Variants in BARD1 observed in about 807,000 individuals in gnomAD.
The protein encoded by BARD1 is BRCA1-associated RING domain protein 1.
A neutral mutation model predicts 77.0 loss-of-function variants in BARD1; 73 were observed. That is an observed-to-expected ratio of 0.95 (90% CI 0.79 to 1.15). The LOEUF is 1.15. Ranked by LOEUF, BARD1 falls within the 50% of genes most tolerant of loss-of-function variation. The pLI is 0.00. For synonymous variants in BARD1, 384 were observed against 338.0 expected, an observed-to-expected ratio of 1.14 and a Z score of -1.49; for missense variants, 993 against 938.8, an observed-to-expected ratio of 1.06 and a Z score of -0.75.
intron 6 of BARD1, among the ~76,000 whole-genome samples, chr2:214,756,472 T>A (rs772199812): frequency 2.6e-5 from 4 of 152,224 alleles, no homozygotes; most frequent in African/African-American, 7.2e-5. Context: ...GCAATCCCAC[T>A]ACTGGGTGTC....
At chr2:214,787,867 T>G (rs1405444775) in intron 3 of BARD1, among the ~76,000 whole-genome samples, 3 of 152,040 alleles carry the variant, frequency 2.0e-5, no homozygotes, top group African/African-American at 7.2e-5. Flanking sequence ...TTATTCTCTA[T>G]TATAGGTTTC....
At chr2:214,788,627 G>A (rs1312953320) in intron 3 of BARD1, among the ~76,000 whole-genome samples, 1 of 152,056 alleles carries the variant, frequency 6.6e-6, no homozygotes, top group Middle Eastern at 3.2e-3. Context: ...GAAAATGTGA[G>A]AGATGTTCAC....
chr2:214,780,532 A>C, intron 4 of BARD1, 28 bp downstream of exon 4: 1 of 1,598,380 alleles, frequency 6.3e-7, no homozygotes, highest in Non-Finnish European at 8.6e-7. Flanking sequence ...CCTCATTCTG[A>C]GATGGTATTT....
At chr2:214,767,140 CA>C (rs1366948690) in intron 6 of BARD1, among the ~76,000 whole-genome samples, 1 of 151,966 alleles carries the variant, frequency 6.6e-6, no homozygotes, top group African/African-American at 2.4e-5. Flanking sequence ...CATGTGCCCA[CA>C]AAAAAACATG....
rs898751804 is a variant in BARD1 at position 214,726,610 on chromosome 2, T to C, written c.*2066A>G. Reference sequence around the variant, plus strand: ...CATTCAACAGCACAGAATAAGCCAATTTTATACAAGACACAGGTATATGGA... The same window carrying C: ...CATTCAACAGCACAGAATAAGCCAACTTTATACAAGACACAGGTATATGGA... On this transcript the variant is annotated 3_prime_UTR_variant, in exon 11 of 11. Transcript: ENST00000260947. 3.9e-5 allele frequency: 9 copies of C among 229,766 alleles called. No homozygotes were observed. Among genetic ancestry groups the C allele is most frequent in the African/African-American group, 2.0e-4 (9 of 45,188 alleles). 14.2% of individuals were successfully genotyped at this position (229,766 alleles called of 1,614,324 possible).
Position 214,787,196 on chromosome 2 carries a change from T to G in BARD1, c.364+5101A>C, listed in dbSNP as rs116515369. On this transcript the variant is annotated intron_variant, in intron 3 of 10. Transcript: ENST00000260947. ...TGAGCTTTTAAAGGAAAATTAAGGCTTATATATAGCAGCAACATACTCAAC... is the reference window on the plus strand; with the variant it reads ...TGAGCTTTTAAAGGAAAATTAAGGCGTATATATAGCAGCAACATACTCAAC... Among the ~76,000 whole-genome samples the G allele has an allele frequency of 8.4e-3, 1,280 of 151,934 alleles. 15 individuals are homozygous for G. The highest frequency in any genetic ancestry group is 0.014 in the Non-Finnish European group (946 of 67,784).
intron 6 of BARD1, among the ~76,000 whole-genome samples, chr2:214,762,887 CCCCT>C (rs1694025309): frequency 7.9e-6 from 1 of 127,140 alleles, no homozygotes; most frequent in African/African-American, 3.0e-5. Context: ...CCACCCCACC[CCCCT>C]CCCACCACTA....
intron 6 of BARD1, among the ~76,000 whole-genome samples, chr2:214,765,103 C>T (rs980498033): frequency 6.6e-6 from 1 of 152,146 alleles, no homozygotes; most frequent in Non-Finnish European, 1.5e-5. Flanking sequence ...AAAATTTATT[C>T]CTTGGTAGCA....
intron 9 of BARD1, chr2:214,731,066 G>C: frequency 3.3e-6 from 1 of 304,352 alleles, no homozygotes; most frequent in Non-Finnish European, 6.8e-6. Flanking sequence ...CAGAGCTTGG[G>C]ATAGGTTTGG....
chr2:214,752,851 A>C (rs187015142), intron 6 of BARD1, among the ~76,000 whole-genome samples: 314 of 152,304 alleles, frequency 2.1e-3, no homozygotes, highest in Admixed American at 3.5e-3. Flanking sequence ...AATCACTATA[A>C]GTGACAGACT....
chr2:214,801,757 G>A (rs1696030096), intron 1 of BARD1, among the ~76,000 whole-genome samples: 1 of 146,918 alleles, frequency 6.8e-6, no homozygotes, highest in African/African-American at 2.5e-5. Flanking sequence ...AAATTAATAT[G>A]ACTTAAAAGA....
At chr2:214,794,720 G>C (rs190240570) in intron 2 of BARD1, among the ~76,000 whole-genome samples, 5 of 152,268 alleles carry the variant, frequency 3.3e-5, no homozygotes, top group African/African-American at 9.6e-5. Context: ...TTAGAGAGTA[G>C]ATGAATTACC....
At chr2:214,767,160 CT>C (rs1294077300) in intron 6 of BARD1, among the ~76,000 whole-genome samples, 6 of 152,250 alleles carry the variant, frequency 3.9e-5, no homozygotes, top group African/African-American at 1.4e-4. Flanking sequence ...TGATCTCATT[CT>C]TTTTTGTAGT....
At chr2:214,796,597 T>C (rs1695764724) in intron 2 of BARD1, among the ~76,000 whole-genome samples, 1 of 152,176 alleles carries the variant, frequency 6.6e-6, no homozygotes. Flanking sequence ...CCTGTCATCA[T>C]CTTGATCTTA....
At position 214,739,899 on chromosome 2, in the gene BARD1, T is replaced by C. The variant is rs553307482; in HGVS notation, c.1903+5168A>G. On this transcript the variant is annotated intron_variant, in intron 9 of 10. Transcript: ENST00000260947. ...GTAATTTGCTATTTTACTTAATGCA[T>C]TGAGAAGCAGGTTAAATTCTATTGC... is the stretch of plus-strand genomic sequence containing the variant. 5.9e-5 allele frequency among the ~76,000 whole-genome samples: 9 copies of C among 152,182 alleles called. No homozygotes were observed. In the East Asian group the frequency reaches 1.3e-3, roughly 23 times the overall value.
chr2:214,779,719 C>A (rs1226057102), intron 4 of BARD1, among the ~76,000 whole-genome samples: 1 of 152,172 alleles, frequency 6.6e-6, no homozygotes, highest in Non-Finnish European at 1.5e-5. Context: ...AAGTTCTCTA[C>A]CCATCCAGAA....
At chr2:214,808,198 AGGAGAC>A (rs1475048502) in intron 1 of BARD1, among the ~76,000 whole-genome samples, 1 of 152,178 alleles carries the variant, frequency 6.6e-6, no homozygotes, top group African/African-American at 2.4e-5. Context: ...TCACGAGGTC[AGGAGAC>A]GGAGACCATC....
At chr2:214,788,689 C>T (rs1188996310) in intron 3 of BARD1, among the ~76,000 whole-genome samples, 1 of 152,044 alleles carries the variant, frequency 6.6e-6, no homozygotes, top group Non-Finnish European at 1.5e-5. Context: ...CAGAATCATA[C>T]AATTTTGGAG....
At chr2:214,771,613 A>G (rs751681291) in intron 4 of BARD1, among the ~76,000 whole-genome samples, 2 of 151,860 alleles carry the variant, frequency 1.3e-5, no homozygotes, top group Admixed American at 6.6e-5. Context: ...CTGTAATCCT[A>G]GCTACTCAGG....
Sources: gnomAD v4.1 joint callset for allele counts (sites outside exome capture counted in the v4.1 genomes callset) on GRCh38, gnomAD v4.1.1 for gene constraint, MANE v1.5 for transcripts, NCBI Gene and HGNC (gene_info 2026-07-23, HGNC 2026-07-21) for gene names.